The following CNTN5 variants were observed in gnomAD, a reference collection of about 807,000 sequenced individuals.
CNTN5 encodes the protein contactin-5.
CNTN5 carries 77 observed loss-of-function variants against 129.1 expected under a neutral mutation model. The observed-to-expected ratio is 0.60, with a 90% confidence interval of 0.50 to 0.72. The LOEUF (loss-of-function observed/expected upper bound fraction) is 0.72, where lower values mean the gene tolerates loss of function less well. Among genes scored for constraint, CNTN5 ranks in the 30% least tolerant of loss-of-function variants. The pLI, the probability that CNTN5 is intolerant of heterozygous loss-of-function variation, is 0.00. For synonymous variants in CNTN5, 509 were observed against 465.6 expected, an observed-to-expected ratio of 1.09 and a Z score of -1.20; for missense variants, 1,478 against 1,328.8, an observed-to-expected ratio of 1.11 and a Z score of -1.75.
intron 12 of CNTN5, among the ~76,000 whole-genome samples, chr11:100,072,694 A>T (rs1943970230): frequency 1.3e-5 from 2 of 152,176 alleles, no homozygotes; most frequent in South Asian, 4.1e-4. Flanking sequence ...TTTACATATC[A>T]GCTAAATGTA....
intron 13 of CNTN5, among the ~76,000 whole-genome samples, chr11:100,183,475 T>A (rs1948200890): frequency 6.6e-6 from 1 of 152,180 alleles, no homozygotes; most frequent in South Asian, 2.1e-4. Flanking sequence ...TCAATTTAAT[T>A]ATGCCAAGTG....
chr11:99,133,256 C>G (rs538309142), intron 1 of CNTN5, among the ~76,000 whole-genome samples: 64 of 152,126 alleles, frequency 4.2e-4, no homozygotes, highest in African/African-American at 1.5e-3. Flanking sequence ...AAAATTAACT[C>G]AACATGGATT....
At chr11:99,721,127 A>G (rs1943157103) in intron 3 of CNTN5, among the ~76,000 whole-genome samples, 1 of 152,170 alleles carries the variant, frequency 6.6e-6, no homozygotes, top group Admixed American at 6.5e-5. Flanking sequence ...TCACAGAACT[A>G]GAGAAAATTA....
chr11:100,067,268 CA>C (rs1360563271), intron 10 of CNTN5, among the ~76,000 whole-genome samples: 7 of 152,004 alleles, frequency 4.6e-5, no homozygotes, highest in African/African-American at 1.7e-4. Flanking sequence ...TTCATTGTAA[CA>C]CAATCTACAA....
chr11:100,177,538 C>T (rs935966365), intron 13 of CNTN5, among the ~76,000 whole-genome samples: 1 of 152,236 alleles, frequency 6.6e-6, no homozygotes, highest in South Asian at 2.1e-4. Flanking sequence ...AAATACTTCA[C>T]TCCTTCTCCA....
intron 1 of CNTN5, among the ~76,000 whole-genome samples, chr11:99,078,765 G>A (rs1213584590): frequency 6.6e-6 from 1 of 152,116 alleles, no homozygotes; most frequent in African/African-American, 2.4e-5. Context: ...TGGAAATAGA[G>A]ACTAGAAGGA....
intron 21 of CNTN5, among the ~76,000 whole-genome samples, chr11:100,316,591 CTTTA>C (rs887771231): frequency 1.3e-5 from 2 of 152,060 alleles, no homozygotes; most frequent in African/African-American, 4.8e-5. Context: ...TGAAATTTTC[CTTTA>C]TTTTCTAAAT....
chr11:99,994,202 T>A (rs1939303039), intron 8 of CNTN5, among the ~76,000 whole-genome samples: 2 of 152,144 alleles, frequency 1.3e-5, no homozygotes, highest in Non-Finnish European at 2.9e-5. Flanking sequence ...ATAAATGTAA[T>A]CTGGAAGAGA....
At chr11:99,963,967 A>G (rs1253957379) in intron 8 of CNTN5, among the ~76,000 whole-genome samples, 1 of 151,886 alleles carries the variant, frequency 6.6e-6, no homozygotes, top group Non-Finnish European at 1.5e-5. Context: ...TTTGTCTGTT[A>G]TTGGTGTATA....
intron 6 of CNTN5, among the ~76,000 whole-genome samples, chr11:99,897,456 A>G (rs1156472737): frequency 1.3e-5 from 2 of 152,192 alleles, no homozygotes; most frequent in East Asian, 1.9e-4. Context: ...ACTTCTCAGC[A>G]GAGACCTTAC....
chr11:99,952,411 G>A (rs984492372), intron 7 of CNTN5, among the ~76,000 whole-genome samples: 3 of 152,078 alleles, frequency 2.0e-5, no homozygotes, highest in Admixed American at 6.6e-5. Context: ...AAGACAATTT[G>A]TAAATATTAA....
chr11:99,341,397 A>T (rs1049402145), intron 2 of CNTN5, among the ~76,000 whole-genome samples: 4 of 152,200 alleles, frequency 2.6e-5, no homozygotes, highest in Non-Finnish European at 5.9e-5. Flanking sequence ...ATAATTTCAT[A>T]GTATGCCTTT....
chr11:99,398,597 G>A (rs1371053930), intron 2 of CNTN5, among the ~76,000 whole-genome samples: 1 of 151,692 alleles, frequency 6.6e-6, no homozygotes, highest in Non-Finnish European at 1.5e-5. Flanking sequence ...CATATAATTG[G>A]AATTATATAG....
At chr11:99,986,438 C>G (rs780160799) in intron 8 of CNTN5, among the ~76,000 whole-genome samples, 2 of 152,106 alleles carry the variant, frequency 1.3e-5, no homozygotes, top group African/African-American at 2.4e-5. Flanking sequence ...ATCTGTATGA[C>G]TGCTACACCA....
intron 1 of CNTN5, among the ~76,000 whole-genome samples, chr11:99,168,832 T>C (rs1861011544): frequency 6.6e-6 from 1 of 152,208 alleles, no homozygotes; most frequent in Admixed American, 6.5e-5. Context: ...AAATAGAGGA[T>C]ATCTTTGAAA....
chr11:99,295,311 C>T (rs945810955), intron 1 of CNTN5, among the ~76,000 whole-genome samples: 7 of 152,194 alleles, frequency 4.6e-5, no homozygotes, highest in Admixed American at 4.6e-4. Flanking sequence ...ATGTATTTCT[C>T]TATAAGCCAC....
rs533714324 is a variant in CNTN5, at chr11:99,450,024, A to C, written c.-70-106121A>C. On this transcript the variant is annotated intron_variant, in intron 2 of 24. Coordinates refer to ENST00000524871, the MANE Select transcript of CNTN5 (RefSeq NM_014361.4). Reference sequence around the variant, plus strand: ...TGATCGACAAACTGATGCACAGAAAAAGGTAATTGCCCAATATTAAAGTCA... The same window carrying C: ...TGATCGACAAACTGATGCACAGAAACAGGTAATTGCCCAATATTAAAGTCA... Among the ~76,000 whole-genome samples the C allele has an allele frequency of 1.3e-5, 2 of 152,280 alleles. 1 individual carries two copies. The highest frequency in any genetic ancestry group is 4.8e-5 in the African/African-American group (2 of 41,558).
chr11:100,047,117 G>A (rs1480327134), intron 9 of CNTN5, among the ~76,000 whole-genome samples: 1 of 152,026 alleles, frequency 6.6e-6, no homozygotes, highest in Non-Finnish European at 1.5e-5. Flanking sequence ...CAAGCTATGA[G>A]TGTACAGGGC....
At chr11:99,218,876 G>T (rs992073788) in intron 1 of CNTN5, among the ~76,000 whole-genome samples, 1 of 152,000 alleles carries the variant, frequency 6.6e-6, no homozygotes, top group African/African-American at 2.4e-5. Flanking sequence ...TTCTTTGACC[G>T]CTTTCCCTGT....
Sources: allele counts gnomAD v4.1 joint callset (sites outside exome capture counted in the v4.1 genomes callset), GRCh38; gene constraint gnomAD v4.1.1; transcripts MANE v1.5; gene names NCBI Gene and HGNC (gene_info 2026-07-23, HGNC 2026-07-21).